Variants in CDH4 observed in about 807,000 individuals in gnomAD.
CDH4 encodes cadherin 4, also known as cadherin-4.
CDH4 carries 33 observed loss-of-function variants against 86.0 expected under a neutral mutation model. That is an observed-to-expected ratio of 0.38 (90% CI 0.29 to 0.51). The LOEUF (loss-of-function observed/expected upper bound fraction) is 0.51, where lower values mean the gene tolerates loss of function less well. Ranked by LOEUF, CDH4 falls within the 20% of genes least tolerant of loss-of-function variation. The pLI is 0.86. For missense variants in CDH4, 1,114 were observed against 1,307.4 expected (o/e 0.85, Z 2.28); for synonymous variants, 555 against 549.4 (o/e 1.01, Z -0.14).
intron 2 of CDH4, among the ~76,000 whole-genome samples, chr20:61,425,454 G>A (rs2085207430): frequency 6.6e-6 from 1 of 152,196 alleles, no homozygotes; most frequent in African/African-American, 2.4e-5. Context: ...AGGGGGGCTG[G>A]GGAGGTGAAG....
chr20:61,409,179 G>A (rs1254462882), intron 2 of CDH4, among the ~76,000 whole-genome samples: 2 of 152,198 alleles, frequency 1.3e-5, no homozygotes, highest in African/African-American at 2.4e-5. Flanking sequence ...CAGAGTGGCT[G>A]GGCGCCTCAC....
intron 2 of CDH4, among the ~76,000 whole-genome samples, chr20:61,467,386 C>T (rs1166838729): frequency 6.6e-6 from 1 of 152,204 alleles, no homozygotes; most frequent in African/African-American, 2.4e-5. Context: ...ATCTGATTCT[C>T]AGCACTCTGA....
At chr20:61,887,058 A>G (rs1984575548) in intron 7 of CDH4, among the ~76,000 whole-genome samples, 1 of 152,210 alleles carries the variant, frequency 6.6e-6, no homozygotes, top group Non-Finnish European at 1.5e-5. Flanking sequence ...GCCTGTTTGC[A>G]GGAGCTCCCA....
intron 2 of CDH4, among the ~76,000 whole-genome samples, chr20:61,724,124 G>A (rs2088081456): frequency 7.1e-6 from 1 of 140,884 alleles, no homozygotes; most frequent in Non-Finnish European, 1.6e-5. Context: ...GAGGCTCCAT[G>A]TGGCAGGGGG....
chr20:61,690,965 C>A (rs1440731802), intron 2 of CDH4, among the ~76,000 whole-genome samples: 1 of 152,194 alleles, frequency 6.6e-6, no homozygotes, highest in Non-Finnish European at 1.5e-5. Context: ...CAGGGCTGAG[C>A]CCTCTAGACT....
At chr20:61,659,071 A>G (rs960205909) in intron 2 of CDH4, among the ~76,000 whole-genome samples, 2 of 152,208 alleles carry the variant, frequency 1.3e-5, no homozygotes, top group African/African-American at 4.8e-5. Context: ...AATCAGTCTA[A>G]CACTAAACTG....
chr20:61,657,202 A>G (rs1257434158), intron 2 of CDH4, among the ~76,000 whole-genome samples: 1 of 152,244 alleles, frequency 6.6e-6, no homozygotes, highest in Non-Finnish European at 1.5e-5. Context: ...TTCAGGAGTC[A>G]GATCTCCTTC....
At chr20:61,675,300 C>A (rs1404946954) in intron 2 of CDH4, among the ~76,000 whole-genome samples, 1 of 139,198 alleles carries the variant, frequency 7.2e-6, no homozygotes, top group Non-Finnish European at 1.6e-5. Context: ...TGGAAACAAC[C>A]ATCGTAGGGG....
intron 2 of CDH4, among the ~76,000 whole-genome samples, chr20:61,257,916 ATCTC>A (rs1352353361): frequency 6.6e-6 from 1 of 152,144 alleles, no homozygotes; most frequent in Non-Finnish European, 1.5e-5. Flanking sequence ...CCCGGGTCGT[ATCTC>A]CCCTCTATCC....
chr20:61,840,340 C>A (rs547584217), intron 4 of CDH4, among the ~76,000 whole-genome samples: 1 of 152,294 alleles, frequency 6.6e-6, no homozygotes, highest in South Asian at 2.1e-4. Context: ...AGGGAATCCA[C>A]CTCCAAAGTG....
At chr20:61,804,934 C>T (rs56079282) in intron 4 of CDH4, among the ~76,000 whole-genome samples, 2 of 152,332 alleles carry the variant, frequency 1.3e-5, no homozygotes, top group African/African-American at 4.8e-5. Flanking sequence ...GATCTAGGCG[C>T]TCAGACAATG....
At chr20:61,686,807 A>G (rs1357128356) in intron 2 of CDH4, among the ~76,000 whole-genome samples, 1 of 152,158 alleles carries the variant, frequency 6.6e-6, no homozygotes, top group Non-Finnish European at 1.5e-5. Flanking sequence ...GTCCACTTGC[A>G]TGCATGTGTG....
At chr20:61,525,703 T>C (rs2085904788) in intron 2 of CDH4, among the ~76,000 whole-genome samples, 1 of 152,194 alleles carries the variant, frequency 6.6e-6, no homozygotes. Context: ...GATTAGCTGC[T>C]GTGACTGAGA....
chr20:61,389,407 A>T (rs1037247807), intron 2 of CDH4, among the ~76,000 whole-genome samples: 1 of 152,220 alleles, frequency 6.6e-6, no homozygotes, highest in African/African-American at 2.4e-5. Flanking sequence ...GCCCCCTTGT[A>T]AAAGTGAGCA....
intron 4 of CDH4, among the ~76,000 whole-genome samples, chr20:61,835,934 G>C (rs905557571): frequency 6.6e-6 from 1 of 152,158 alleles, no homozygotes; most frequent in South Asian, 2.1e-4. Context: ...TGCAAACTCC[G>C]ACTGTCCCGA....
At chr20:61,425,866 G>C (rs1000308637) in intron 2 of CDH4, among the ~76,000 whole-genome samples, 1 of 151,418 alleles carries the variant, frequency 6.6e-6, no homozygotes, top group Non-Finnish European at 1.5e-5. Flanking sequence ...CCCCGCCCAG[G>C]GCAGAATGGC....
At chr20:61,293,081 C>T (rs556690709) in intron 2 of CDH4, among the ~76,000 whole-genome samples, 1 of 152,284 alleles carries the variant, frequency 6.6e-6, no homozygotes, top group African/African-American at 2.4e-5. Flanking sequence ...GCCACTTCCG[C>T]AGATCCCCTG....
chr20:61,622,384 C>T (rs1416887575), intron 2 of CDH4, among the ~76,000 whole-genome samples: 2 of 152,220 alleles, frequency 1.3e-5, no homozygotes, highest in Non-Finnish European at 2.9e-5. Flanking sequence ...TAAGAGGTGT[C>T]AGTCTGTCAG....
At chr20:61,706,723 G>A (rs1306400893) in intron 2 of CDH4, among the ~76,000 whole-genome samples, 4 of 152,118 alleles carry the variant, frequency 2.6e-5, no homozygotes, top group African/African-American at 4.8e-5. Flanking sequence ...GAATTCTCCC[G>A]AGCCCGCTGC....
Sources: allele counts gnomAD v4.1 joint callset (sites outside exome capture counted in the v4.1 genomes callset), GRCh38; gene constraint gnomAD v4.1.1; transcripts MANE v1.5; gene names NCBI Gene and HGNC (gene_info 2026-07-23, HGNC 2026-07-21).